Variants in DYM observed in about 807,000 individuals in gnomAD.
DYM encodes the protein dymeclin.
In DYM, 78 loss-of-function variants were observed where a neutral mutation model predicts 93.1. That is an observed-to-expected ratio of 0.84 (90% CI 0.70 to 1.01). DYM has a LOEUF of 1.01. Among genes scored for constraint, DYM ranks in the 50% least tolerant of loss-of-function variants. The pLI is 0.00. For synonymous variants in DYM, 321 were observed against 319.7 expected (o/e 1.00, Z -0.04); for missense variants, 789 against 845.0 (o/e 0.93, Z 0.82).
chr18:49,422,639 A>G (rs1442960084), intron 2 of DYM, among the ~76,000 whole-genome samples: 1 of 152,204 alleles, frequency 6.6e-6, no homozygotes, highest in African/African-American at 2.4e-5. Flanking sequence ...AGTGTGCTGT[A>G]TTCAGGAAAC....
intron 7 of DYM, among the ~76,000 whole-genome samples, 168 bp from the exon 8 acceptor site, chr18:49,332,174 T>C (rs546871941): frequency 2.0e-5 from 3 of 152,324 alleles, no homozygotes; most frequent in East Asian, 3.9e-4. Context: ...ACCATGGGCT[T>C]TGAGAGCAAT....
chr18:49,071,886 G>A (rs1471228449), intron 17 of DYM, among the ~76,000 whole-genome samples: 2 of 152,170 alleles, frequency 1.3e-5, no homozygotes, highest in Non-Finnish European at 2.9e-5. Context: ...AAATAAGGTT[G>A]TTTCTACTGC....
intron 16 of DYM, among the ~76,000 whole-genome samples, chr18:49,109,102 T>C (rs1370625491): frequency 6.6e-6 from 1 of 152,176 alleles, no homozygotes; most frequent in South Asian, 2.1e-4. Context: ...TATTTCTTTA[T>C]GTTTAAGGTG....
At chr18:49,373,526 T>C (rs1257269016) in intron 5 of DYM, among the ~76,000 whole-genome samples, 1 of 152,128 alleles carries the variant, frequency 6.6e-6, no homozygotes, top group Non-Finnish European at 1.5e-5. Context: ...TTTGGTGGGT[T>C]TTGGCTGGCT....
intron 2 of DYM, among the ~76,000 whole-genome samples, chr18:49,409,813 T>C (rs2072000640): frequency 6.6e-6 from 1 of 152,174 alleles, no homozygotes. Context: ...GTTGGTCAAT[T>C]GGTGTAGCAG....
chr18:49,123,474 C>A (rs185601398), intron 15 of DYM, among the ~76,000 whole-genome samples: 1 of 152,176 alleles, frequency 6.6e-6, no homozygotes, highest in Non-Finnish European at 1.5e-5. Context: ...TTAGCACATT[C>A]ATTCAGGCTC....
rs1056650217 is a variant in DYM at position 49,275,232 on chromosome 18, C to T, written c.1126-2929G>A. ...GTACCATTTGTTGAAAAAACCTATT[C>T]TTTCCACATTGGTCTTGGCACCCTG... is the stretch of plus-strand genomic sequence containing the variant. On this transcript the variant is annotated intron_variant, in intron 10 of 17. Transcript: ENST00000675505. 1.1e-4 allele frequency among the ~76,000 whole-genome samples: 16 copies of T among 152,126 alleles called. 1 individual carries two copies. Among genetic ancestry groups the T allele is most frequent in the Non-Finnish European group, 2.4e-4 (16 of 68,018 alleles).
intron 8 of DYM, among the ~76,000 whole-genome samples, chr18:49,307,805 A>G (rs572490126): frequency 2.6e-5 from 4 of 152,332 alleles, no homozygotes; most frequent in Admixed American, 2.6e-4. Context: ...AATAAAAGCA[A>G]CAAGGTGCCT....
chr18:49,225,013 C>G (rs1452498043), intron 13 of DYM, among the ~76,000 whole-genome samples: 2 of 152,030 alleles, frequency 1.3e-5, no homozygotes, highest in African/African-American at 4.8e-5. Flanking sequence ...AGAAAATGTC[C>G]ACTGGATTTG....
intron 8 of DYM, among the ~76,000 whole-genome samples, chr18:49,328,971 G>GAC (rs1031132177): frequency 1.3e-4 from 19 of 151,928 alleles, no homozygotes; most frequent in Middle Eastern, 3.4e-3. Context: ...CTACTATAAA[G>GAC]ACACACACAC....
chr18:49,316,771 T>G (rs2061972037), intron 8 of DYM, among the ~76,000 whole-genome samples: 1 of 152,148 alleles, frequency 6.6e-6, no homozygotes, highest in Non-Finnish European at 1.5e-5. Context: ...TCTCTTTTTT[T>G]TTTGCACTTT....
At chr18:49,089,263 C>G (rs2078835234) in intron 17 of DYM, among the ~76,000 whole-genome samples, 1 of 151,968 alleles carries the variant, frequency 6.6e-6, no homozygotes, top group Admixed American at 6.6e-5. Context: ...TAGTAAACAA[C>G]AAAGAAAAAG....
intron 8 of DYM, among the ~76,000 whole-genome samples, 173 bp from the exon 9 acceptor site, chr18:49,286,789 A>T (rs2059694662): frequency 6.6e-6 from 1 of 152,232 alleles, no homozygotes; most frequent in Non-Finnish European, 1.5e-5. Context: ...TAAAAACTGG[A>T]CAAAGATTGA....
chr18:49,258,981 C>CAAA (rs531963442), intron 11 of DYM, among the ~76,000 whole-genome samples: 8 of 140,660 alleles, frequency 5.7e-5, no homozygotes, highest in African/African-American at 1.9e-4. Flanking sequence ...GGGGAAAAAA[C>CAAA]AAAAAAAAAA....
rs1260240760 is a variant in DYM at position 49,037,311 on chromosome 18, G to A, written c.*6744C>T. Among the ~76,000 whole-genome samples, 1 of 151,978 alleles carries A rather than the reference G, an allele frequency of 6.6e-6. No homozygotes were observed. Among genetic ancestry groups the A allele is most frequent in the Non-Finnish European group, 1.5e-5 (1 of 68,006 alleles). ...TTCATGTGCTGTTTTTAAAATTTTT[G>A]AGGTAATTGCTTAATTGATTTTTAA... is the stretch of plus-strand genomic sequence containing the variant. On this transcript the variant is annotated 3_prime_UTR_variant, in exon 18 of 18. Coordinates refer to ENST00000675505, the MANE Select transcript of DYM (RefSeq NM_001353214.3).
chr18:49,234,873 A>G (rs1952632142), intron 13 of DYM, among the ~76,000 whole-genome samples: 1 of 152,216 alleles, frequency 6.6e-6, no homozygotes, highest in Non-Finnish European at 1.5e-5. Flanking sequence ...CATGAGAAGC[A>G]TCATTTGATG....
At chr18:49,318,797 CTTTTTTTT>C (rs932617888) in intron 8 of DYM, among the ~76,000 whole-genome samples, 1,408 of 114,360 alleles carry the variant, frequency 0.012, 20 homozygotes, top group African/African-American at 0.048. Flanking sequence ...ATTTCTTTTT[CTTTTTTTT>C]TTTTTTTTTT....
At chr18:49,206,625 T>C (rs2092522654) in intron 14 of DYM, 1 of 152,312 alleles carries the variant, frequency 6.6e-6, no homozygotes, top group Non-Finnish European at 1.5e-5. Context: ...CAGTGTCCTC[T>C]GTCCTGTCCC....
At chr18:49,296,682 A>G (rs543189556) in intron 8 of DYM, among the ~76,000 whole-genome samples, 3 of 152,328 alleles carry the variant, frequency 2.0e-5, no homozygotes, top group African/African-American at 7.2e-5. Flanking sequence ...TTTAGATTCA[A>G]CCAAGAATGC....
Sources: allele counts gnomAD v4.1 joint callset (sites outside exome capture counted in the v4.1 genomes callset), GRCh38; gene constraint gnomAD v4.1.1; transcripts MANE v1.5; gene names NCBI Gene and HGNC (gene_info 2026-07-23, HGNC 2026-07-21).